Variants in DGKI observed in about 807,000 individuals in gnomAD.
DGKI encodes the protein diacylglycerol kinase iota.
A neutral mutation model predicts 147.5 loss-of-function variants in DGKI; 55 were observed. The ratio of observed to expected loss-of-function variants is 0.37; its 90% CI spans 0.30 to 0.47. The LOEUF (loss-of-function observed/expected upper bound fraction) is 0.47. DGKI is among the 20% of genes least tolerant of loss of function. The pLI is 1.00. For synonymous variants in DGKI, 469 were observed against 477.1 expected, an observed-to-expected ratio of 0.98 and a Z score of 0.22; for missense variants, 1,007 against 1,323.8, an observed-to-expected ratio of 0.76 and a Z score of 3.71.
At chr7:137,695,679 T>C (rs1010902319) in intron 1 of DGKI, among the ~76,000 whole-genome samples, 1 of 152,170 alleles carries the variant, frequency 6.6e-6, no homozygotes, top group Non-Finnish European at 1.5e-5. Flanking sequence ...CCTGACACTT[T>C]TATAAAATGC....
At chr7:137,578,756 G>A (rs999255237) in intron 15 of DGKI, among the ~76,000 whole-genome samples, 1 of 152,172 alleles carries the variant, frequency 6.6e-6, no homozygotes, top group Non-Finnish European at 1.5e-5. Context: ...AACAGGAAAA[G>A]GTGGAAGAAG....
intron 19 of DGKI, among the ~76,000 whole-genome samples, chr7:137,553,120 T>C (rs922603808): frequency 1.3e-5 from 2 of 152,250 alleles, no homozygotes; most frequent in South Asian, 2.1e-4. Context: ...TTTGCTCTTA[T>C]ATGTTTCAAA....
At chr7:137,401,937 G>A (rs1409529122) in intron 30 of DGKI, among the ~76,000 whole-genome samples, 1 of 152,174 alleles carries the variant, frequency 6.6e-6, no homozygotes, top group African/African-American at 2.4e-5. Flanking sequence ...CTGCATTGTG[G>A]TTATTTATCC....
At position 137,717,962 on chromosome 7, in the gene DGKI, G is replaced by A. The variant is rs80250791; in HGVS notation, c.402-27960C>T. On this transcript the variant is annotated intron_variant, in intron 1 of 32. Transcript: ENST00000614521. The stretch of plus-strand genomic sequence containing the variant: ...CACCCAGCGGAAGGAGCTATCATGA[G>A]ACCTATTCTTTTCTACCAGGACAAG... 2.7e-3 allele frequency among the ~76,000 whole-genome samples: 411 copies of A among 152,264 alleles called. 9 individuals are homozygous for A. In the East Asian group the frequency reaches 0.046, roughly 17 times the overall value.
chr7:137,696,088 T>A (rs2116483484), intron 1 of DGKI, among the ~76,000 whole-genome samples: 1 of 152,306 alleles, frequency 6.6e-6, no homozygotes, highest in East Asian at 1.9e-4. Context: ...ATGGTAAATC[T>A]CTGAATAAAT....
At position 137,672,766 on chromosome 7, in the gene DGKI, C is replaced by CTT. The variant is rs60078498; in HGVS notation, c.606+5789_606+5790dup. On this transcript the variant is annotated intron_variant, in intron 3 of 32. Transcript: ENST00000614521. The stretch of plus-strand genomic sequence containing the variant: ...TCTCTGTGTGTGTGTCTCTGTGTGT[C>CTT]TTTTTTTTTTTTTTTTTTTTTTTTT... 7.5e-3 allele frequency among the ~76,000 whole-genome samples: 494 copies of CTT among 65,662 alleles called. 57 individuals carry two copies. Among genetic ancestry groups the CTT allele is most frequent in the African/African-American group, 0.019 (258 of 13,866 alleles). The allele number at this position is 65,662 out of a possible 152,430, so 43.1% of individuals were successfully genotyped here.
intron 20 of DGKI, among the ~76,000 whole-genome samples, chr7:137,549,129 G>T (rs1817962607): frequency 6.6e-6 from 1 of 152,200 alleles, no homozygotes; most frequent in Non-Finnish European, 1.5e-5. Context: ...GTGTACAGCT[G>T]TGAAGGGAAT....
Position 137,542,128 on chromosome 7 carries a change from G to A in DGKI, c.2147+10241C>T, listed in dbSNP as rs148921295. Reference sequence around the variant, plus strand: ...ATGCTAACAGTACCAAGTGCTGATAGGGGTGTGGAGCAACTGGAATGATCA... The same window carrying A: ...ATGCTAACAGTACCAAGTGCTGATAAGGGTGTGGAGCAACTGGAATGATCA... On this transcript the variant is annotated intron_variant, in intron 20 of 32. Transcript: ENST00000614521. Among the ~76,000 whole-genome samples, 852 of 152,298 alleles carry A rather than the reference G, an allele frequency of 5.6e-3. 8 individuals carry two copies. Among genetic ancestry groups the A allele is most frequent in the Non-Finnish European group, 0.01 (689 of 68,028 alleles).
chr7:137,460,765 C>T (rs1814407747), intron 27 of DGKI, among the ~76,000 whole-genome samples: 1 of 152,060 alleles, frequency 6.6e-6, no homozygotes, highest in Admixed American at 6.5e-5. Context: ...AAAACAAAAC[C>T]ATAAAACAAT....
intron 23 of DGKI, among the ~76,000 whole-genome samples, chr7:137,482,117 T>C (rs947297997): frequency 1.3e-5 from 2 of 151,968 alleles, no homozygotes; most frequent in African/African-American, 2.4e-5. Flanking sequence ...TAAAAATTAA[T>C]AGCACCTATA....
At chr7:137,541,389 T>C (rs1339842870) in intron 20 of DGKI, among the ~76,000 whole-genome samples, 2 of 152,158 alleles carry the variant, frequency 1.3e-5, no homozygotes, top group African/African-American at 2.4e-5. Flanking sequence ...ACAGACTATT[T>C]ATCTCATCAC....
chr7:137,663,041 T>C lies in DGKI; in HGVS notation c.607-6501A>G, dbSNP rs185330414. Among the ~76,000 whole-genome samples, 372 of 152,348 alleles carry C rather than the reference T, an allele frequency of 2.4e-3. 1 individual carries two copies. The highest frequency in any genetic ancestry group is 6.6e-3 in the African/African-American group (274 of 41,588). ...TGTAGATGCTGGGTATCTGGAATCA[T>C]GATGGTTTGAGTTATCCTACATAAG... On this transcript the variant is annotated intron_variant, in intron 3 of 32. Coordinates refer to ENST00000614521, the MANE Select transcript of DGKI (RefSeq NM_001321708.2).
chr7:137,503,164 T>G (rs1453673029), intron 21 of DGKI, among the ~76,000 whole-genome samples: 1 of 152,184 alleles, frequency 6.6e-6, no homozygotes, highest in Non-Finnish European at 1.5e-5. Flanking sequence ...TTATCAAAAC[T>G]GCTGACAGCC....
intron 20 of DGKI, among the ~76,000 whole-genome samples, chr7:137,548,503 C>A (rs1817937437): frequency 6.6e-6 from 1 of 150,908 alleles, no homozygotes; most frequent in Admixed American, 6.6e-5. Flanking sequence ...AGTATGGTGC[C>A]TCCCCCGTCT....
chr7:137,757,882 A>C (rs1489050489), intron 1 of DGKI, among the ~76,000 whole-genome samples: 1 of 152,224 alleles, frequency 6.6e-6, no homozygotes, highest in Non-Finnish European at 1.5e-5. Flanking sequence ...TCTAAAAAGT[A>C]GTTTAAGACA....
intron 23 of DGKI, among the ~76,000 whole-genome samples, chr7:137,470,733 T>A (rs903674130): frequency 2.0e-5 from 3 of 152,016 alleles, no homozygotes; most frequent in Non-Finnish European, 2.9e-5. Context: ...TTGATAATCT[T>A]CTTAAACTCT....
At chr7:137,607,504 G>T (rs748522663) in intron 10 of DGKI, among the ~76,000 whole-genome samples, 24 of 152,204 alleles carry the variant, frequency 1.6e-4, no homozygotes, top group Non-Finnish European at 2.8e-4. Flanking sequence ...GCTCCTTAAA[G>T]AAATAGATAA....
chr7:137,664,525 G>T (rs560777379), intron 3 of DGKI, among the ~76,000 whole-genome samples: 2 of 152,160 alleles, frequency 1.3e-5, no homozygotes, highest in Admixed American at 6.5e-5. Flanking sequence ...GGACCCACAG[G>T]ACTATCTGAT....
intron 28 of DGKI, among the ~76,000 whole-genome samples, chr7:137,426,956 C>T (rs1469639262): frequency 3.3e-5 from 5 of 150,834 alleles, no homozygotes; most frequent in Non-Finnish European, 5.9e-5. Flanking sequence ...TAATGGGAGA[C>T]TTTAACACCC....
Sources: allele counts gnomAD v4.1 joint callset (sites outside exome capture counted in the v4.1 genomes callset), GRCh38; gene constraint gnomAD v4.1.1; transcripts MANE v1.5; gene names NCBI Gene and HGNC (gene_info 2026-07-23, HGNC 2026-07-21).